CCDC102B: variants seen among roughly 807,000 people sequenced by gnomAD.
CCDC102B encodes coiled-coil domain containing 102B, also known as coiled-coil domain-containing protein 102B.
A neutral mutation model predicts 57.4 loss-of-function variants in CCDC102B; 75 were observed. The ratio of observed to expected loss-of-function variants is 1.31; its 90% CI spans 1.08 to 1.58. CCDC102B has a LOEUF of 1.58. CCDC102B is among the 40% of genes most tolerant of loss of function. CCDC102B has a pLI of 0.00. For missense variants in CCDC102B, 636 were observed against 582.6 expected (o/e 1.09, Z -0.94); for synonymous variants, 206 against 201.9 (o/e 1.02, Z -0.17).
chr18:68,857,121 T>G (rs79078705), intron 4 of CCDC102B, among the ~76,000 whole-genome samples: 17,481 of 38,064 alleles, frequency 0.46, 2,580 homozygotes, highest in Non-Finnish European at 0.51. Context: ...ATAAATATAT[T>G]TATATATTTT....
intron 2 of CCDC102B, among the ~76,000 whole-genome samples, chr18:68,770,525 C>T (rs997060207): frequency 6.6e-6 from 1 of 152,112 alleles, no homozygotes; most frequent in African/African-American, 2.4e-5. Flanking sequence ...GACGCCAAGG[C>T]AAGGTTGTGG....
chr18:68,909,183 GA>G (rs5825884), intron 6 of CCDC102B, among the ~76,000 whole-genome samples: 136,687 of 150,034 alleles, frequency 0.91, 62,310 homozygotes, highest in East Asian at 0.98. Flanking sequence ...GGGAGGAAGG[GA>G]AAAAAAAAGC....
chr18:69,053,913 T>C, intron 7 of CCDC102B, 117 bp from the exon 8 acceptor site: 1 of 771,760 alleles, frequency 1.3e-6, no homozygotes. Flanking sequence ...TGAGAATACT[T>C]ACAATCTATT....
intron 7 of CCDC102B, among the ~76,000 whole-genome samples, chr18:69,033,892 CT>C (rs2052214936): frequency 6.6e-6 from 1 of 151,974 alleles, no homozygotes; most frequent in Admixed American, 6.6e-5. Context: ...GGCCATCCTC[CT>C]TTGGTGTGAA....
exon 1 of CCDC102B, chr18:68,715,361 G>C (rs1388187939): frequency 1.5e-6 from 1 of 666,670 alleles, no homozygotes; most frequent in Non-Finnish European, 2.0e-6. Context: ...CTGAGGGTGA[G>C]GTAGGCTCTG....
In CCDC102B at chr18:69,000,745, T is replaced by C. The variant is rs566214083; in HGVS notation, c.1264-10189T>C. Among the ~76,000 whole-genome samples, 12 of 152,342 alleles carry C rather than the reference T, an allele frequency of 7.9e-5. No individual in the cohort carries two copies. In the South Asian group the frequency reaches 2.5e-3, roughly 32 times the overall value. ...AATGACCCTCAGAGATACTTATTTT[T>C]GACCCTATTTTTATAGTCTGGGAAC... On this transcript the variant is annotated intron_variant, in intron 6 of 7. Transcript: ENST00000360242.
chr18:68,806,980 T>C (rs1486389878), intron 1 of CCDC102B, among the ~76,000 whole-genome samples: 1 of 152,048 alleles, frequency 6.6e-6, no homozygotes, highest in Non-Finnish European at 1.5e-5. Flanking sequence ...ATATAAACGG[T>C]TCAAAAATAT....
intron 6 of CCDC102B, among the ~76,000 whole-genome samples, chr18:68,988,814 G>T (rs2050791625): frequency 6.6e-6 from 1 of 152,140 alleles, no homozygotes; most frequent in Non-Finnish European, 1.5e-5. Context: ...ATTGAAATCA[G>T]GTTGGTTTGG....
intron 5 of CCDC102B, among the ~76,000 whole-genome samples, chr18:68,875,627 C>T (rs907973894): frequency 6.6e-6 from 1 of 152,022 alleles, no homozygotes. Context: ...GAATATAGTG[C>T]AATGGGAAAT....
chr18:68,801,112 A>T (rs542503299), intron 1 of CCDC102B, among the ~76,000 whole-genome samples: 1 of 152,268 alleles, frequency 6.6e-6, no homozygotes, highest in Non-Finnish European at 1.5e-5. Context: ...GCTTTACTGA[A>T]GGAGTATCTT....
chr18:69,025,571 A>G (rs1409967894), intron 7 of CCDC102B, among the ~76,000 whole-genome samples: 2 of 152,210 alleles, frequency 1.3e-5, no homozygotes, highest in Admixed American at 6.5e-5. Context: ...TTATTGCTCT[A>G]CCAAGCAAGT....
At chr18:68,896,499 T>G (rs1272649786) in intron 5 of CCDC102B, among the ~76,000 whole-genome samples, 1 of 151,896 alleles carries the variant, frequency 6.6e-6, no homozygotes, top group Non-Finnish European at 1.5e-5. Flanking sequence ...ATTTTGGGCT[T>G]TACTACCTAT....
At chr18:68,763,600 T>C (rs1422357091) in intron 2 of CCDC102B, among the ~76,000 whole-genome samples, 2 of 152,056 alleles carry the variant, frequency 1.3e-5, no homozygotes, top group Non-Finnish European at 2.9e-5. Context: ...ATTGCCTCTT[T>C]CTATACTCAA....
At chr18:68,889,123 G>C (rs1037179718) in intron 5 of CCDC102B, among the ~76,000 whole-genome samples, 1 of 150,570 alleles carries the variant, frequency 6.6e-6, no homozygotes, top group African/African-American at 2.4e-5. Flanking sequence ...TGTCTAGTAT[G>C]GTCTGAACAC....
intron 6 of CCDC102B, among the ~76,000 whole-genome samples, chr18:68,953,416 T>C (rs2049756507): frequency 6.6e-6 from 1 of 150,736 alleles, no homozygotes; most frequent in South Asian, 2.1e-4. Flanking sequence ...TATGTCATTG[T>C]AGTTTTGATT....
At chr18:68,720,110 G>A (rs546339823) in intron 2 of CCDC102B, among the ~76,000 whole-genome samples, 8 of 152,122 alleles carry the variant, frequency 5.3e-5, no homozygotes, top group Non-Finnish European at 1.0e-4. Flanking sequence ...GGAATAAAAG[G>A]AATTTATATA....
At chr18:69,051,072 A>G (rs1439903786) in intron 7 of CCDC102B, among the ~76,000 whole-genome samples, 6 of 152,076 alleles carry the variant, frequency 3.9e-5, no homozygotes, top group Non-Finnish European at 8.8e-5. Flanking sequence ...TCTTTAAGAA[A>G]TGGGGTCCCA....
At chr18:68,863,606 A>G (rs1334331921) in intron 4 of CCDC102B, among the ~76,000 whole-genome samples, 1 of 152,022 alleles carries the variant, frequency 6.6e-6, no homozygotes, top group African/African-American at 2.4e-5. Flanking sequence ...CATTTAAATA[A>G]GTCAGGACAC....
In CCDC102B at chr18:68,981,366, T is replaced by A. The variant is rs369178923; in HGVS notation, c.1264-29568T>A. On this transcript the variant is annotated intron_variant, in intron 6 of 7. Transcript: ENST00000360242. The stretch of plus-strand genomic sequence containing the variant: ...GTTTTATTGGACTAATCTGCCCTCA[T>A]GCTGGTTAAGAAGAGACATGAGGCA... 2.6e-5 allele frequency among the ~76,000 whole-genome samples: 4 copies of A among 152,156 alleles called. No homozygotes were observed. In the South Asian group the frequency reaches 6.2e-4, roughly 24 times the overall value.
Sources: gnomAD v4.1 joint callset for allele counts (sites outside exome capture counted in the v4.1 genomes callset) on GRCh38, gnomAD v4.1.1 for gene constraint, MANE v1.5 for transcripts, NCBI Gene and HGNC (gene_info 2026-07-23, HGNC 2026-07-21) for gene names.